Variants in SLC25A28 observed in about 807,000 individuals in gnomAD.
SLC25A28 encodes mitoferrin-2.
A neutral mutation model predicts 31.9 loss-of-function variants in SLC25A28; 10 were observed. The observed-to-expected ratio is 0.31, with a 90% CI of 0.19 to 0.53. The LOEUF is 0.53. Ranked by LOEUF, SLC25A28 falls within the 20% of genes least tolerant of loss-of-function variation. The probability of loss-of-function intolerance (pLI) is 0.95; values close to 1 mark genes in which losing one functional copy is unlikely to be tolerated. For synonymous variants in SLC25A28, 208 were observed against 203.6 expected, an observed-to-expected ratio of 1.02 and a Z score of -0.19; for missense variants, 256 against 490.3, an observed-to-expected ratio of 0.52 and a Z score of 4.51.
chr10:99,616,877 GA>G, intron 1 of SLC25A28: 1 of 930,310 alleles, frequency 1.1e-6, no homozygotes, highest in Non-Finnish European at 1.3e-6. Flanking sequence ...TTGCTTCACA[GA>G]TTAAATGAAT....
the SLC25A28 span, among the ~76,000 whole-genome samples, chr10:99,651,478 T>C: frequency 6.6e-6 from 1 of 152,134 alleles, no homozygotes; most frequent in Non-Finnish European, 1.5e-5. Flanking sequence ...CTTTATCAGA[T>C]ATGTGATTTG....
At chr10:99,624,212 T>C (rs1019916768), upstream of SLC25A28, among the ~76,000 whole-genome samples, 7 of 150,342 alleles carry the variant, frequency 4.7e-5, no homozygotes, top group Non-Finnish European at 1.0e-4. Context: ...TGTTTCTTTC[T>C]TTCTTTTTCT....
chr10:99,649,591 T>C, the SLC25A28 span, among the ~76,000 whole-genome samples: 1 of 152,136 alleles, frequency 6.6e-6, no homozygotes, highest in Non-Finnish European at 1.5e-5. Context: ...TGGGCTTTTT[T>C]TGTTGTTGTT....
In SLC25A28 at chr10:99,610,720, CA is replaced by C. The variant is rs2034500344; in HGVS notation, c.*128del. 1.6e-6 allele frequency: 2 copies of C among 1,261,880 alleles called. No individual in the cohort carries two copies. The highest frequency in any genetic ancestry group is 2.9e-5 in the South Asian group (2 of 68,290). 78.2% of individuals were successfully genotyped at this position (1,261,880 alleles called of 1,614,324 possible). A position where few individuals can be genotyped will look rare whatever the true frequency, so the allele number is the denominator to read the frequency against. On this transcript the variant is annotated 3_prime_UTR_variant, in exon 4 of 4. Coordinates refer to ENST00000370495, the MANE Select transcript of SLC25A28 (RefSeq NM_031212.4). ...CAGGAACTGGTGTTAGTCAAAACAC[CA>C]AAATCCTGGGGGAGAGCCCCTCTAC...
chr10:99,638,193 G>T, the SLC25A28 span, among the ~76,000 whole-genome samples: 1 of 152,128 alleles, frequency 6.6e-6, no homozygotes, highest in African/African-American at 2.4e-5. Flanking sequence ...CATAAAGTGG[G>T]GGAAATGATA....
At chr10:99,657,093 T>C in the SLC25A28 span, among the ~76,000 whole-genome samples, 9 of 152,352 alleles carry the variant, frequency 5.9e-5, no homozygotes, top group East Asian at 1.9e-4. Flanking sequence ...GATGTAGTTA[T>C]GAAATGTAAA....
intron 3 of SLC25A28, 25 bp downstream of exon 3, chr10:99,612,516 CAG>C: frequency 5.0e-6 from 8 of 1,612,816 alleles, no homozygotes; most frequent in Non-Finnish European, 5.9e-6. Flanking sequence ...CAGCTGCCCA[CAG>C]AGTGATAGGT....
chr10:99,629,632 CT>C, the SLC25A28 span, among the ~76,000 whole-genome samples: 4 of 152,194 alleles, frequency 2.6e-5, no homozygotes, highest in African/African-American at 4.8e-5. Context: ...GTGAATGAAT[CT>C]TGAAAGAAGC....
the SLC25A28 span, among the ~76,000 whole-genome samples, chr10:99,651,464 A>T: frequency 6.6e-6 from 1 of 152,118 alleles, no homozygotes; most frequent in Non-Finnish European, 1.5e-5. Context: ...TCTAGATACA[A>T]GCCCTTTATC....
the SLC25A28 span, among the ~76,000 whole-genome samples, chr10:99,654,198 A>G: frequency 6.6e-6 from 1 of 152,216 alleles, no homozygotes; most frequent in Non-Finnish European, 1.5e-5. Flanking sequence ...AATATCAGAC[A>G]TTGAAAGCCA....
the SLC25A28 span, among the ~76,000 whole-genome samples, chr10:99,646,919 G>C: frequency 6.6e-6 from 1 of 152,176 alleles, no homozygotes; most frequent in Non-Finnish European, 1.5e-5. Context: ...GTGAGAACAT[G>C]CTGTATTTGA....
At chr10:99,622,991 A>G (rs540969879), upstream of SLC25A28, among the ~76,000 whole-genome samples, 9 of 152,322 alleles carry the variant, frequency 5.9e-5, no homozygotes, top group East Asian at 1.2e-3. Flanking sequence ...AAAAAATGTC[A>G]GCTCTGGATG....
intron 1 of SLC25A28, among the ~76,000 whole-genome samples, chr10:99,619,817 C>T (rs1283388705): frequency 1.3e-5 from 2 of 152,242 alleles, no homozygotes; most frequent in Non-Finnish European, 2.9e-5. Context: ...ATCCTGAGTC[C>T]CGATTCAGAT....
the SLC25A28 span, among the ~76,000 whole-genome samples, chr10:99,643,988 A>C: frequency 6.6e-6 from 1 of 152,186 alleles, no homozygotes; most frequent in Admixed American, 6.5e-5. Flanking sequence ...ACTTCCAACT[A>C]TATGGTCAAT....
chr10:99,620,807 C>A, upstream of SLC25A28: 1 of 985,490 alleles, frequency 1.0e-6, no homozygotes, highest in Non-Finnish European at 1.2e-6. Flanking sequence ...GAAAGAGCGA[C>A]GCGCCCAGGG....
the SLC25A28 span, among the ~76,000 whole-genome samples, chr10:99,633,190 T>C: frequency 6.6e-6 from 1 of 152,294 alleles, no homozygotes; most frequent in East Asian, 1.9e-4. Context: ...CCCCAAGTTA[T>C]CTGTGTGCGT....
chr10:99,643,482 G>A, the SLC25A28 span, among the ~76,000 whole-genome samples: 21 of 152,032 alleles, frequency 1.4e-4, no homozygotes, highest in South Asian at 3.1e-3. Flanking sequence ...TCTTGCTAGC[G>A]GTCTATCAAT....
At chr10:99,653,073 G>A in the SLC25A28 span, among the ~76,000 whole-genome samples, 2 of 152,174 alleles carry the variant, frequency 1.3e-5, no homozygotes, top group Admixed American at 1.3e-4. Flanking sequence ...TTAAAAGTAT[G>A]TCTACAAATT....
At chr10:99,618,473 A>G (rs1402942387) in intron 1 of SLC25A28, 1 of 985,334 alleles carries the variant, frequency 1.0e-6, no homozygotes, top group Non-Finnish European at 1.2e-6. Flanking sequence ...GCTAGATTAT[A>G]TTAACTTTTG....
Sources: gnomAD v4.1 joint callset for allele counts (sites outside exome capture counted in the v4.1 genomes callset) on GRCh38, gnomAD v4.1.1 for gene constraint, MANE v1.5 for transcripts, NCBI Gene and HGNC (gene_info 2026-07-23, HGNC 2026-07-21) for gene names.